Variants in HMCN1 observed in about 807,000 individuals in gnomAD.
HMCN1 encodes the protein hemicentin-1.
A neutral mutation model predicts 625.9 loss-of-function variants in HMCN1; 321 were observed. That is an observed-to-expected ratio of 0.51 (90% CI 0.47 to 0.56). The LOEUF (loss-of-function observed/expected upper bound fraction) is 0.56, where lower values mean the gene tolerates loss of function less well. Ranked by LOEUF, HMCN1 falls within the 20% of genes least tolerant of loss-of-function variation. HMCN1 has a pLI of 0.00. For missense variants in HMCN1, 6,588 were observed against 6,887.3 expected, an observed-to-expected ratio of 0.96 and a Z score of 1.54; for synonymous variants, 2,425 against 2,417.6, an observed-to-expected ratio of 1.00 and a Z score of -0.09.
chr1:186,102,997 C>A (rs1660451661), intron 68 of HMCN1, among the ~76,000 whole-genome samples: 1 of 152,008 alleles, frequency 6.6e-6, no homozygotes, highest in Admixed American at 6.6e-5. Flanking sequence ...ACTATTTTTT[C>A]TTCTGCTTAG....
Position 186,016,048 on chromosome 1 carries a change from G to A in HMCN1, c.5000G>A (p.Gly1667Glu). The stretch of plus-strand genomic sequence containing the variant: ...CTGACACTGGAGTGCAAAGCTGCTG[G>A]AAACCCTTCTCCCATTCTCACCTGG... ...HSLTLECKAA[G>E]NPSPILTWLK... Residue 1667 changes from glycine (G) to glutamate (E), a missense_variant, in exon 32 of 107, where the codon GGA becomes GAA. Coordinates refer to ENST00000271588, the MANE Select transcript of HMCN1 (RefSeq NM_031935.3). 6.2e-7 allele frequency: 1 copy of A among 1,613,546 alleles called. No individual in the cohort carries two copies. Among genetic ancestry groups the A allele is most frequent in the Non-Finnish European group, 8.5e-7 (1 of 1,179,638 alleles).
rs772201417 is a variant in HMCN1 at position 186,151,212 on chromosome 1, G to A, written c.14621G>A (p.Arg4874Gln). ...TTTCCCCCAATAGGTGGGCCCCAGC[G>A]AGCCAGAGGAAGTGTTATTGGAAAT... ...NVQACPGGPQRARGSVIGNIN... is the reference protein window; with the variant it reads ...NVQACPGGPQQARGSVIGNIN... Residue 4874 changes from arginine (R) to glutamine (Q), a missense_variant, in exon 94 of 107, where the codon CGA (arginine) becomes CAA (glutamine). By Grantham distance (43) the Arg-to-Gln change is conservative. This residue lies in a region of HMCN1 where 1,954 missense variants were observed against 2,013.1 expected (regional missense o/e 0.97). Coordinates refer to ENST00000271588, the MANE Select transcript of HMCN1 (RefSeq NM_031935.3). The A allele has an allele frequency of 3.7e-6, 6 of 1,613,598 alleles. No individual in the cohort carries two copies. The highest frequency in any genetic ancestry group is 2.2e-5 in the South Asian group (2 of 91,038).
At chr1:186,000,642 T>C (rs1466378249) in intron 26 of HMCN1, among the ~76,000 whole-genome samples, 1 of 151,574 alleles carries the variant, frequency 6.6e-6, no homozygotes, top group Non-Finnish European at 1.5e-5. Flanking sequence ...AGAAATACAA[T>C]GTTTTATCCT....
chr1:186,056,815 AG>A (rs1359502189), intron 45 of HMCN1, among the ~76,000 whole-genome samples: 1 of 151,914 alleles, frequency 6.6e-6, no homozygotes, highest in Non-Finnish European at 1.5e-5. Flanking sequence ...CCTACGTGAC[AG>A]GATCAATCAT....
intron 64 of HMCN1, 110 bp from the exon 65 acceptor site, chr1:186,093,024 G>A (rs1180139023): frequency 7.0e-7 from 1 of 1,434,298 alleles, no homozygotes; most frequent in East Asian, 2.3e-5. Context: ...ATTTCAGTTG[G>A]TTGCTTGAAT....
At chr1:186,077,420 C>T (rs1658891987) in intron 54 of HMCN1, among the ~76,000 whole-genome samples, 1 of 151,942 alleles carries the variant, frequency 6.6e-6, no homozygotes, top group South Asian at 2.1e-4. Flanking sequence ...ATCATTGTAA[C>T]ACGGTTATAT....
chr1:185,735,661 C>A (rs975839168), intron 1 of HMCN1, among the ~76,000 whole-genome samples: 1 of 152,162 alleles, frequency 6.6e-6, no homozygotes, highest in Admixed American at 6.5e-5. Context: ...ATGTCTCCTG[C>A]GGTAGAATTG....
intron 15 of HMCN1, among the ~76,000 whole-genome samples, chr1:185,972,643 G>A (rs6688811): frequency 0.64 from 96,660 of 151,958 alleles, 32,916 homozygotes; most frequent in African/African-American, 0.91. Context: ...ATAACTTAGT[G>A]TTAAAGTCAG....
rs147073795 is a variant in HMCN1, at chr1:186,074,741, C to G, written c.8140C>G (p.Pro2714Ala). ...ASLSWYKDGQ[P>A]LKSDDHVNIA... The stretch of plus-strand genomic sequence containing the variant: ...TAACATTGTTATAATTGAATCACAG[C>G]CCCTTAAATCCGATGATCATGTTAA... The change falls in exon 53 of 107, where the codon CCC becomes GCC. Residue 2714 changes from proline to alanine, a missense_variant and splice_region_variant. Physicochemically the swap from Pro to Ala is conservative, Grantham distance 27 (BLOSUM62 -1). Transcript: ENST00000271588. 4.8e-5 allele frequency: 78 copies of G among 1,612,196 alleles called. No homozygotes were observed. The highest frequency in any genetic ancestry group is 6.1e-5 in the Non-Finnish European group (72 of 1,178,814).
chr1:185,934,482 A>G (rs1667715000), intron 11 of HMCN1, among the ~76,000 whole-genome samples: 1 of 152,206 alleles, frequency 6.6e-6, no homozygotes, highest in Non-Finnish European at 1.5e-5. Flanking sequence ...GTTAATGGCT[A>G]CTAAATATAT....
intron 5 of HMCN1, among the ~76,000 whole-genome samples, chr1:185,911,271 T>A (rs1229492627): frequency 6.6e-6 from 1 of 152,182 alleles, no homozygotes; most frequent in African/African-American, 2.4e-5. Flanking sequence ...CCATAGTAAT[T>A]ACTATCTAGG....
intron 1 of HMCN1, among the ~76,000 whole-genome samples, chr1:185,813,814 T>C (rs1241593759): frequency 6.6e-6 from 1 of 152,188 alleles, no homozygotes. Context: ...TTTTGCTGTA[T>C]TACATTTGAC....
chr1:185,889,919 G>A (rs974203521), intron 4 of HMCN1, among the ~76,000 whole-genome samples: 3 of 148,030 alleles, frequency 2.0e-5, no homozygotes, highest in South Asian at 2.1e-4. Flanking sequence ...GGTAGAATTC[G>A]GCTGTGAATC....
intron 40 of HMCN1, among the ~76,000 whole-genome samples, chr1:186,043,318 T>C (rs1656332213): frequency 6.6e-6 from 1 of 152,100 alleles, no homozygotes; most frequent in South Asian, 2.1e-4. Context: ...AAACAAAAAG[T>C]TGGAAATGAG....
At chr1:185,978,629 T>C (rs1188955663) in intron 16 of HMCN1, among the ~76,000 whole-genome samples, 1 of 152,146 alleles carries the variant, frequency 6.6e-6, no homozygotes, top group Non-Finnish European at 1.5e-5. Flanking sequence ...TGGGGTATTT[T>C]ATAGAAAGCT....
chr1:186,003,783 G>T lies in HMCN1; in HGVS notation c.4414G>T (p.Ala1472Ser). The change falls in exon 29 of 107, where the codon GCC (alanine) becomes TCC (serine). Residue 1472 changes from alanine (A) to serine (S), a missense_variant. Ala to Ser is a moderately conservative substitution (Grantham distance 99). Transcript: ENST00000271588. ...EVSVVLNRDVALECQVKGTPF... is the reference protein window; with the variant it reads ...EVSVVLNRDVSLECQVKGTPF... ...CTCAGTTGTCCTCAACCGTGACGTCGCCCTTGAATGCCAGGTCAAAGGCAC... is the reference window on the plus strand; with the variant it reads ...CTCAGTTGTCCTCAACCGTGACGTCTCCCTTGAATGCCAGGTCAAAGGCAC... The T allele has an allele frequency of 2.5e-6, 4 of 1,612,744 alleles. No homozygotes were observed. The highest frequency in any genetic ancestry group is 3.4e-6 in the Non-Finnish European group (4 of 1,178,994).
chr1:186,083,112 C>G (rs528909274), intron 57 of HMCN1, 151 bp downstream of exon 57: 1 of 410,378 alleles, frequency 2.4e-6, no homozygotes, highest in Non-Finnish European at 4.4e-6. Context: ...TTTCTTTCCA[C>G]GATGGCTAGT....
intron 97 of HMCN1, among the ~76,000 whole-genome samples, chr1:186,162,001 T>A (rs1469008733): frequency 6.6e-6 from 1 of 152,206 alleles, no homozygotes; most frequent in Non-Finnish European, 1.5e-5. Flanking sequence ...CTGGATAATA[T>A]CCTGCAGAGT....
At chr1:186,041,293 A>G (rs1193513024) in intron 40 of HMCN1, among the ~76,000 whole-genome samples, 157 bp downstream of exon 40, 1 of 152,162 alleles carries the variant, frequency 6.6e-6, no homozygotes, top group Non-Finnish European at 1.5e-5. Context: ...TCTGCCTTAT[A>G]TCTGACTTTG....
Sources: allele counts gnomAD v4.1 joint callset (sites outside exome capture counted in the v4.1 genomes callset), GRCh38; gene constraint gnomAD v4.1.1; regional missense constraint gnomAD v4.1.1; transcripts MANE v1.5; gene names NCBI Gene and HGNC (gene_info 2026-07-23, HGNC 2026-07-21).